Variants in UPP2 observed in about 807,000 individuals in gnomAD.
UPP2 encodes uridine phosphorylase 2.
In UPP2, 23 loss-of-function variants were observed where a neutral mutation model predicts 26.7. The ratio of observed to expected loss-of-function variants is 0.86; its 90% CI spans 0.62 to 1.22. UPP2 has a LOEUF of 1.22. Among genes scored for constraint, UPP2 ranks in the 50% most tolerant of loss-of-function variants. The probability of loss-of-function intolerance (pLI) is 0.00; values close to 1 mark genes in which losing one functional copy is unlikely to be tolerated. For synonymous variants in UPP2, 127 were observed against 141.3 expected (o/e 0.90, Z 0.72); for missense variants, 387 against 396.7 (o/e 0.98, Z 0.21).
At chr2:158,089,348 A>G (rs1260368650) in intron 3 of UPP2, among the ~76,000 whole-genome samples, 1 of 152,018 alleles carries the variant, frequency 6.6e-6, no homozygotes, top group Non-Finnish European at 1.5e-5. Context: ...GACAGCACTG[A>G]GTTTGTTTCC....
In UPP2 at chr2:158,037,198, C is replaced by T. The variant is rs562677080; in HGVS notation, c.147+21312C>T. ...GACCAGTCTGGCCAACATAGTGAAA[C>T]CCCATCTCTACTAAAAATACAAAAA... On this transcript the variant is annotated intron_variant, in intron 3 of 9. Coordinates refer to the UPP2 transcript ENST00000605860. Among the ~76,000 whole-genome samples the T allele has an allele frequency of 5.4e-5, 8 of 148,594 alleles. No individual in the cohort carries two copies. The East Asian group carries it at 1.8e-3, about 34-fold the overall frequency.
At position 158,083,906 on chromosome 2, in the gene UPP2, G is replaced by A. The variant is rs575831454; in HGVS notation, c.148-18134G>A. Among the ~76,000 whole-genome samples the A allele has an allele frequency of 3.0e-3, 432 of 145,676 alleles. 1 individual carries two copies. The highest frequency in any genetic ancestry group is 5.0e-3 in the Non-Finnish European group (336 of 66,926). On this transcript the variant is annotated intron_variant, in intron 3 of 9. Coordinates refer to the UPP2 transcript ENST00000605860. ...ATATCTCACAAGTTCTTTATCTATG[G>A]TGATTGAGTGGCATTTGGGCTGGTT...
In UPP2 at chr2:158,123,738, C is replaced by A. The variant is rs1483328437; in HGVS notation, c.665-11C>A. On this transcript the variant is annotated splice_polypyrimidine_tract_variant and intron_variant, in intron 5 of 6. Coordinates refer to ENST00000005756, the MANE Select transcript of UPP2 (RefSeq NM_173355.4). ...ACATCAAGTCACTAAACGTTCTCCC[C>A]TCCCTTTCAGGCCAAGGCCGACTAG... is the stretch of plus-strand genomic sequence containing the variant. 2 of 1,611,976 alleles carry A rather than the reference C, an allele frequency of 1.2e-6. No homozygotes were observed. Among genetic ancestry groups the A allele is most frequent in the African/African-American group, 1.3e-5 (1 of 74,870 alleles).
chr2:158,061,435 AAAGGGTCTTTACATACATTTG>A (rs1450833172), intron 3 of UPP2, among the ~76,000 whole-genome samples: 1 of 152,184 alleles, frequency 6.6e-6, no homozygotes, highest in East Asian at 1.9e-4. Flanking sequence ...TTTCTTTTCT[AAAGGGTCTTTACATACATTTG>A]AGAAAACACT....
chr2:158,084,223 T>C (rs978186860), intron 3 of UPP2, among the ~76,000 whole-genome samples: 1 of 152,108 alleles, frequency 6.6e-6, no homozygotes, highest in Non-Finnish European at 1.5e-5. Flanking sequence ...AAGCTCATAT[T>C]GTGTTGTGGT....
intron 3 of UPP2, among the ~76,000 whole-genome samples, chr2:158,081,768 C>A (rs1237760517): frequency 1.3e-5 from 2 of 151,574 alleles, no homozygotes; most frequent in African/African-American, 4.9e-5. Context: ...AAATTGAACT[C>A]ATGGAGATGG....
chr2:158,062,962 G>A (rs981465034), intron 3 of UPP2, among the ~76,000 whole-genome samples: 1 of 152,118 alleles, frequency 6.6e-6, no homozygotes, highest in Non-Finnish European at 1.5e-5. Flanking sequence ...CCACTGTTAG[G>A]AAGTACCCAA....
chr2:158,109,748 TAATC>T (rs1042304942), intron 2 of UPP2, among the ~76,000 whole-genome samples: 2 of 152,234 alleles, frequency 1.3e-5, no homozygotes, highest in African/African-American at 4.8e-5. Context: ...GGTGAACAGC[TAATC>T]AATCTCTGCC....
At chr2:158,076,964 C>T (rs187608740) in intron 3 of UPP2, among the ~76,000 whole-genome samples, 5 of 152,122 alleles carry the variant, frequency 3.3e-5, no homozygotes, top group Admixed American at 1.3e-4. Flanking sequence ...TTAACAAATT[C>T]AGTAAAGTTG....
intron 3 of UPP2, among the ~76,000 whole-genome samples, chr2:158,071,261 C>T (rs1682535061): frequency 6.6e-6 from 1 of 152,078 alleles, no homozygotes; most frequent in Admixed American, 6.6e-5. Context: ...CTCGCAGCAA[C>T]AAAAGTGACT....
At chr2:158,110,875 T>A (rs1683305108) in intron 2 of UPP2, among the ~76,000 whole-genome samples, 1 of 152,196 alleles carries the variant, frequency 6.6e-6, no homozygotes, top group Non-Finnish European at 1.5e-5. Flanking sequence ...TTCTTGTAAA[T>A]TTGCTGGAGT....
Position 158,096,030 on chromosome 2 carries a change from G to C in UPP2, c.148-6010G>C, listed in dbSNP as rs186739361. ...AAGTCAAGTACATGCAGAAGTCAAG[G>C]GTTTTTCAGTCTTAAGGCCCTCTGT... On this transcript the variant is annotated intron_variant, in intron 3 of 9. Transcript: ENST00000605860. Among the ~76,000 whole-genome samples the C allele has an allele frequency of 1.4e-3, 210 of 152,222 alleles. 2 individuals are homozygous for C. Among genetic ancestry groups the C allele is most frequent in the African/African-American group, 4.8e-3 (201 of 41,536 alleles).
chr2:158,119,729 G>A (rs971183526), intron 4 of UPP2, among the ~76,000 whole-genome samples: 3 of 151,952 alleles, frequency 2.0e-5, no homozygotes, highest in Non-Finnish European at 4.4e-5. Flanking sequence ...AAAACTATCT[G>A]GCCAGGCATG....
chr2:158,050,606 T>G (rs1216055404), intron 3 of UPP2, among the ~76,000 whole-genome samples: 1 of 152,070 alleles, frequency 6.6e-6, no homozygotes, highest in Non-Finnish European at 1.5e-5. Context: ...CAGGCCAGTG[T>G]GGATAACATA....
At chr2:158,101,565 A>T (rs1683075876), upstream of UPP2, among the ~76,000 whole-genome samples, 1 of 152,208 alleles carries the variant, frequency 6.6e-6, no homozygotes, top group Non-Finnish European at 1.5e-5. Context: ...AATGTTTGAG[A>T]ACTGAAAGTT....
chr2:158,019,621 G>T (rs929942036), intron 3 of UPP2, among the ~76,000 whole-genome samples: 4 of 141,910 alleles, frequency 2.8e-5, no homozygotes, highest in Non-Finnish European at 6.1e-5. Flanking sequence ...CAAAGTGGAA[G>T]GAAATACAAT....
At chr2:158,067,371 A>C (rs1180487910) in intron 3 of UPP2, among the ~76,000 whole-genome samples, 1 of 102,198 alleles carries the variant, frequency 9.8e-6, no homozygotes, top group Non-Finnish European at 1.7e-5. Context: ...ATTTATCATC[A>C]AAAAAAAAAA....
At chr2:158,020,460 G>C (rs981438343) in intron 3 of UPP2, among the ~76,000 whole-genome samples, 4 of 152,198 alleles carry the variant, frequency 2.6e-5, no homozygotes, top group African/African-American at 9.6e-5. Flanking sequence ...CGGCAGGGTG[G>C]AGCTGGCATC....
In UPP2 at chr2:158,013,960, T is replaced by A. The variant is rs143699815; in HGVS notation, c.62-1841T>A. ...CTCCTAACAGTTACAAGAACTGTTC[T>A]TCCTCCCACAGCTGTGGCAGAAGCC... On this transcript the variant is annotated intron_variant, in intron 2 of 9. Transcript: ENST00000605860. 3.7e-3 allele frequency among the ~76,000 whole-genome samples: 560 copies of A among 152,306 alleles called. 3 individuals carry two copies. The highest frequency in any genetic ancestry group is 0.013 in the African/African-American group (538 of 41,572).
Sources: gnomAD v4.1 joint callset for allele counts (sites outside exome capture counted in the v4.1 genomes callset) on GRCh38, gnomAD v4.1.1 for gene constraint, MANE v1.5 for transcripts, NCBI Gene and HGNC (gene_info 2026-07-23, HGNC 2026-07-21) for gene names.